Variants in GPC5 observed in about 807,000 individuals in gnomAD.
GPC5 encodes the protein glypican 5.
In GPC5, 47 loss-of-function variants were observed where a neutral mutation model predicts 53.9. The ratio of observed to expected loss-of-function variants is 0.87; its 90% CI spans 0.69 to 1.11. The LOEUF (loss-of-function observed/expected upper bound fraction) is 1.11, where lower values mean the gene tolerates loss of function less well. GPC5 is among the 50% of genes most tolerant of loss of function. The pLI, the probability that GPC5 is intolerant of heterozygous loss-of-function variation, is 0.00. For missense variants in GPC5, 748 were observed against 713.1 expected, an observed-to-expected ratio of 1.05 and a Z score of -0.56; for synonymous variants, 286 against 263.3, an observed-to-expected ratio of 1.09 and a Z score of -0.84.
At chr13:91,446,007 T>C (rs1880780398) in intron 1 of GPC5, among the ~76,000 whole-genome samples, 1 of 152,212 alleles carries the variant, frequency 6.6e-6, no homozygotes, top group African/African-American at 2.4e-5. Context: ...TGCCCTGCTC[T>C]GTTACTGTGA....
chr13:91,399,520 G>A (rs1876766162), intron 1 of GPC5, among the ~76,000 whole-genome samples: 1 of 152,184 alleles, frequency 6.6e-6, no homozygotes, highest in Non-Finnish European at 1.5e-5. Context: ...TGGGGGACAC[G>A]CAGTCTAACT....
At chr13:91,957,155 A>C (rs1015692260) in intron 6 of GPC5, among the ~76,000 whole-genome samples, 2 of 152,182 alleles carry the variant, frequency 1.3e-5, no homozygotes, top group Non-Finnish European at 2.9e-5. Flanking sequence ...AAATTCTGGG[A>C]CTGAGGAATT....
chr13:92,380,889 C>A lies in GPC5; in HGVS notation c.1561+235900C>A, dbSNP rs569165427. ...TAACCTGCACAATGTGCACATGTAC[C>A]CTAAAACTTAAAGTATAATAATAAA... On this transcript the variant is annotated intron_variant, in intron 7 of 7. Transcript: ENST00000377067. 2.1e-4 allele frequency among the ~76,000 whole-genome samples: 31 copies of A among 151,214 alleles called. No homozygotes were observed. The South Asian group carries it at 6.3e-3, about 31-fold the overall frequency.
intron 7 of GPC5, among the ~76,000 whole-genome samples, chr13:92,279,403 G>A (rs996583564): frequency 1.3e-5 from 2 of 151,854 alleles, no homozygotes; most frequent in African/African-American, 4.8e-5. Flanking sequence ...GTTAAATATT[G>A]TTTAATATAG....
chr13:91,744,729 C>T (rs997217850), intron 4 of GPC5, among the ~76,000 whole-genome samples: 2 of 151,972 alleles, frequency 1.3e-5, no homozygotes, highest in Admixed American at 6.6e-5. Flanking sequence ...ATGCTTGTTC[C>T]GTAAGTCACA....
intron 6 of GPC5, among the ~76,000 whole-genome samples, chr13:91,922,285 C>A (rs916860983): frequency 1.3e-5 from 2 of 151,968 alleles, no homozygotes; most frequent in Non-Finnish European, 2.9e-5. Flanking sequence ...ATATTTAGTA[C>A]TCTGATAAAT....
chr13:92,181,091 C>T (rs985435497), intron 7 of GPC5, among the ~76,000 whole-genome samples: 1 of 152,138 alleles, frequency 6.6e-6, no homozygotes, highest in South Asian at 2.1e-4. Flanking sequence ...TGGTTGTGAG[C>T]TACTACTCTT....
chr13:91,883,244 T>C (rs1352459948), intron 5 of GPC5, among the ~76,000 whole-genome samples: 1 of 152,170 alleles, frequency 6.6e-6, no homozygotes, highest in African/African-American at 2.4e-5. Context: ...GTTGCTGACT[T>C]TCCACAGATC....
At chr13:92,217,807 A>G (rs1450211283) in intron 7 of GPC5, among the ~76,000 whole-genome samples, 1 of 152,094 alleles carries the variant, frequency 6.6e-6, no homozygotes, top group Non-Finnish European at 1.5e-5. Flanking sequence ...TCAGAATGCC[A>G]GATAACTCAT....
chr13:92,354,129 T>C (rs1327242926), intron 7 of GPC5, among the ~76,000 whole-genome samples: 1 of 152,204 alleles, frequency 6.6e-6, no homozygotes, highest in Non-Finnish European at 1.5e-5. Context: ...CAAGTCATCA[T>C]GTGGTGATTA....
chr13:92,244,554 T>G (rs1379886880), intron 7 of GPC5, among the ~76,000 whole-genome samples: 1 of 152,168 alleles, frequency 6.6e-6, no homozygotes, highest in Non-Finnish European at 1.5e-5. Flanking sequence ...AAGATACACT[T>G]CCTATTGGCT....
intron 7 of GPC5, among the ~76,000 whole-genome samples, chr13:92,752,005 A>T (rs181801597): frequency 6.6e-6 from 1 of 152,224 alleles, no homozygotes; most frequent in East Asian, 1.9e-4. Flanking sequence ...TGAATATAAT[A>T]GTATCTGTTT....
At chr13:91,746,086 A>G (rs1330170573) in intron 4 of GPC5, among the ~76,000 whole-genome samples, 5 of 152,238 alleles carry the variant, frequency 3.3e-5, no homozygotes, top group Admixed American at 6.5e-5. Flanking sequence ...GTTCTTATCT[A>G]GAAACCTGTA....
rs143045785 is a variant in GPC5, at chr13:92,213,009, A to G, written c.1561+68020A>G. 1.3e-3 allele frequency among the ~76,000 whole-genome samples: 202 copies of G among 152,308 alleles called. 1 individual carries two copies. Among genetic ancestry groups the G allele is most frequent in the African/African-American group, 4.7e-3 (194 of 41,564 alleles). ...AAAGAGTTTTCTCTTGGCTGCAGTCAAGCCACCACCAAAGGGAATAATCTT... is the reference window on the plus strand; with the variant it reads ...AAAGAGTTTTCTCTTGGCTGCAGTCGAGCCACCACCAAAGGGAATAATCTT... On this transcript the variant is annotated intron_variant, in intron 7 of 7. Coordinates refer to ENST00000377067, the MANE Select transcript of GPC5 (RefSeq NM_004466.6).
chr13:91,860,521 A>C (rs1269699498), intron 5 of GPC5, among the ~76,000 whole-genome samples: 26 of 101,414 alleles, frequency 2.6e-4, no homozygotes, highest in African/African-American at 7.5e-4. Flanking sequence ...CTTTTTCTTT[A>C]TTTCTTTTTT....
rs150606362 is a variant in GPC5, at chr13:91,830,098, A to G, written c.1280+73678A>G. 6.3e-3 allele frequency among the ~76,000 whole-genome samples: 958 copies of G among 152,016 alleles called. 5 individuals are homozygous for G. Among genetic ancestry groups the G allele is most frequent in the Admixed American group, 0.01 (157 of 15,244 alleles). On this transcript the variant is annotated intron_variant, in intron 5 of 7. Transcript: ENST00000377067. The stretch of plus-strand genomic sequence containing the variant: ...GGAGTGCTATGGGAGATGGGGGTCT[A>G]TTTCACCCCTACAGTCTACAGACCA...
intron 2 of GPC5, among the ~76,000 whole-genome samples, chr13:91,555,888 C>T (rs750654938): frequency 2.6e-5 from 4 of 151,952 alleles, no homozygotes; most frequent in Non-Finnish European, 4.4e-5. Flanking sequence ...AAACCGCCCC[C>T]GTGATTCAAT....
At chr13:91,421,672 T>A (rs1878644665) in intron 1 of GPC5, among the ~76,000 whole-genome samples, 1 of 152,152 alleles carries the variant, frequency 6.6e-6, no homozygotes, top group African/African-American at 2.4e-5. Context: ...ACTAATAAGC[T>A]TACAGTTGGC....
chr13:92,093,380 G>C (rs754888485), intron 6 of GPC5, among the ~76,000 whole-genome samples: 1 of 151,952 alleles, frequency 6.6e-6, no homozygotes, highest in African/African-American at 2.4e-5. Flanking sequence ...CCTAATGTTT[G>C]TATCTTTTAT....
Sources: gnomAD v4.1 joint callset for allele counts (sites outside exome capture counted in the v4.1 genomes callset) on GRCh38, gnomAD v4.1.1 for gene constraint, MANE v1.5 for transcripts, NCBI Gene and HGNC (gene_info 2026-07-23, HGNC 2026-07-21) for gene names.